Variants in CADPS2 observed in about 807,000 individuals in gnomAD.
CADPS2 encodes the protein calcium-dependent secretion activator 2.
CADPS2 carries 93 observed loss-of-function variants against 172.5 expected under a neutral mutation model. The ratio of observed to expected loss-of-function variants is 0.54; its 90% CI spans 0.46 to 0.64. The LOEUF (loss-of-function observed/expected upper bound fraction) is 0.64, where lower values mean the gene tolerates loss of function less well. Ranked by LOEUF, CADPS2 falls within the 30% of genes least tolerant of loss-of-function variation. The pLI is 0.00. For missense variants in CADPS2, 1,420 were observed against 1,565.9 expected (o/e 0.91, Z 1.57); for synonymous variants, 546 against 555.2 (o/e 0.98, Z 0.23).
chr7:122,511,326 C>T (rs1330269618), intron 9 of CADPS2, among the ~76,000 whole-genome samples: 2 of 152,114 alleles, frequency 1.3e-5, no homozygotes, highest in East Asian at 3.9e-4. Context: ...TACATATTTG[C>T]CCTATAACTT....
chr7:122,697,864 A>G (rs2085360504), intron 2 of CADPS2: 1 of 1,613,074 alleles, frequency 6.2e-7, no homozygotes, highest in Admixed American at 1.7e-5. Flanking sequence ...GTTCTCCTCC[A>G]CATGGATTAC....
chr7:122,460,077 T>C (rs1444423347), intron 14 of CADPS2, among the ~76,000 whole-genome samples: 4 of 152,120 alleles, frequency 2.6e-5, no homozygotes, highest in African/African-American at 4.8e-5. Flanking sequence ...ATGTTCGCCA[T>C]AGAGATGTCC....
intron 1 of CADPS2, among the ~76,000 whole-genome samples, chr7:122,775,732 G>C (rs1485155284): frequency 6.6e-6 from 1 of 152,052 alleles, no homozygotes; most frequent in Non-Finnish European, 1.5e-5. Context: ...TCCAATCCCT[G>C]TCACCTTCCT....
intron 8 of CADPS2, among the ~76,000 whole-genome samples, chr7:122,537,792 G>A (rs1323353747): frequency 6.6e-6 from 1 of 151,656 alleles, no homozygotes; most frequent in East Asian, 1.9e-4. Context: ...GAAAAGATTA[G>A]TATTGCAGAC....
intron 2 of CADPS2, among the ~76,000 whole-genome samples, chr7:122,686,159 AG>A (rs1424414875): frequency 6.6e-6 from 1 of 152,096 alleles, no homozygotes; most frequent in Non-Finnish European, 1.5e-5. Flanking sequence ...CATACTTTTC[AG>A]TTTTTTTCTA....
At chr7:122,781,418 T>C (rs559705806) in intron 1 of CADPS2, among the ~76,000 whole-genome samples, 2 of 152,286 alleles carry the variant, frequency 1.3e-5, no homozygotes, top group South Asian at 4.1e-4. Flanking sequence ...CAGTTTGTGT[T>C]TCTACTAGCC....
At chr7:122,653,585 C>T (rs921276553) in intron 3 of CADPS2, among the ~76,000 whole-genome samples, 11 of 152,162 alleles carry the variant, frequency 7.2e-5, no homozygotes, top group Non-Finnish European at 1.6e-4. Flanking sequence ...CTCTTTATTG[C>T]ACTTTGCAGA....
chr7:122,420,304 A>G (rs1369442029), intron 17 of CADPS2, among the ~76,000 whole-genome samples: 1 of 152,230 alleles, frequency 6.6e-6, no homozygotes, highest in Admixed American at 6.5e-5. Flanking sequence ...CAGCTATTAC[A>G]TGTGACACTA....
chr7:122,556,497 C>G (rs1048179715), intron 7 of CADPS2, among the ~76,000 whole-genome samples: 3 of 151,876 alleles, frequency 2.0e-5, no homozygotes, highest in Non-Finnish European at 4.4e-5. Flanking sequence ...GGTATTGTAC[C>G]AAACTCTGAA....
intron 14 of CADPS2, among the ~76,000 whole-genome samples, chr7:122,464,106 A>G (rs2054827537): frequency 6.6e-6 from 1 of 152,148 alleles, no homozygotes; most frequent in Non-Finnish European, 1.5e-5. Context: ...CAATAACAAA[A>G]CCAGAGCTCC....
chr7:122,763,754 C>A (rs979642389), intron 1 of CADPS2, among the ~76,000 whole-genome samples: 2 of 152,100 alleles, frequency 1.3e-5, no homozygotes, highest in Non-Finnish European at 2.9e-5. Context: ...ACAAAACTGA[C>A]ATGAAAGACA....
intron 2 of CADPS2, among the ~76,000 whole-genome samples, chr7:122,681,977 A>C (rs984369346): frequency 6.6e-6 from 1 of 151,940 alleles, no homozygotes; most frequent in Admixed American, 6.6e-5. Context: ...TAATCTTATC[A>C]ATATTATGAA....
At chr7:122,669,837 A>G (rs559294761) in intron 2 of CADPS2, among the ~76,000 whole-genome samples, 61 of 152,086 alleles carry the variant, frequency 4.0e-4, no homozygotes, top group Middle Eastern at 3.4e-3. Context: ...GGCACTCTAA[A>G]TAAGTCTCAG....
At chr7:122,689,773 G>A (rs866137609) in intron 2 of CADPS2, among the ~76,000 whole-genome samples, 2 of 152,150 alleles carry the variant, frequency 1.3e-5, no homozygotes, top group Non-Finnish European at 2.9e-5. Flanking sequence ...TGTTATGTTT[G>A]CACAAACCTC....
At chr7:122,663,780 C>T (rs1388174925) in intron 2 of CADPS2, among the ~76,000 whole-genome samples, 1 of 152,140 alleles carries the variant, frequency 6.6e-6, no homozygotes, top group Non-Finnish European at 1.5e-5. Flanking sequence ...GTAGGAGACA[C>T]AGTATACAGT....
chr7:122,785,975 A>AAG (rs1223246883), intron 1 of CADPS2, among the ~76,000 whole-genome samples: 5 of 152,246 alleles, frequency 3.3e-5, no homozygotes, highest in African/African-American at 1.2e-4. Context: ...AACCACATGC[A>AAG]GATCTTCAAA....
intron 2 of CADPS2, among the ~76,000 whole-genome samples, chr7:122,686,905 A>T (rs1429238065): frequency 1.3e-5 from 2 of 152,148 alleles, no homozygotes; most frequent in African/African-American, 4.8e-5. Context: ...GGCTGGTCTC[A>T]AACTCCTGGC....
intron 19 of CADPS2, chr7:122,409,685 T>C (rs1313490328): frequency 2.1e-6 from 1 of 469,052 alleles, no homozygotes; most frequent in African/African-American, 2.0e-5. Flanking sequence ...AAGCAACAGT[T>C]GCAGTTATCT....
At chr7:122,763,357 T>C (rs1323694742) in intron 1 of CADPS2, among the ~76,000 whole-genome samples, 1 of 152,098 alleles carries the variant, frequency 6.6e-6, no homozygotes, top group Admixed American at 6.6e-5. Context: ...GAGTGCTGAA[T>C]CCTACTCCAC....
Sources: allele counts gnomAD v4.1 joint callset (sites outside exome capture counted in the v4.1 genomes callset), GRCh38; gene constraint gnomAD v4.1.1; transcripts MANE v1.5; gene names NCBI Gene and HGNC (gene_info 2026-07-23, HGNC 2026-07-21).